Variants in DNAH5 observed in about 807,000 individuals in gnomAD.
DNAH5 encodes the protein dynein axonemal heavy chain 5, also known as axonemal beta dynein heavy chain 5.
DNAH5 carries 372 observed loss-of-function variants against 518.2 expected under a neutral mutation model. That is an observed-to-expected ratio of 0.72 (90% CI 0.66 to 0.78). The LOEUF (loss-of-function observed/expected upper bound fraction) is 0.78, where lower values mean the gene tolerates loss of function less well. DNAH5 is among the 30% of genes least tolerant of loss of function. DNAH5 has a pLI of 0.00. For missense variants in DNAH5, 5,523 were observed against 5,687.0 expected (o/e 0.97, Z 0.93); for synonymous variants, 2,039 against 2,025.9 (o/e 1.01, Z -0.17).
chr5:13,978,121 T>A lies in DNAH5; in HGVS notation c.12+33527A>T, dbSNP rs6868931. On this transcript the variant is annotated intron_variant, in intron 1 of 78. Coordinates refer to the DNAH5 transcript ENST00000681290. Reference sequence around the variant, plus strand: ...GGAGCACTTTCATGCACAGACACACTGTGGCTTCAAGCTTGTAACAGCACC... The same window carrying A: ...GGAGCACTTTCATGCACAGACACACAGTGGCTTCAAGCTTGTAACAGCACC... 1.4e-3 allele frequency among the ~76,000 whole-genome samples: 215 copies of A among 152,278 alleles called. 2 individuals carry two copies. Among genetic ancestry groups the A allele is most frequent in the African/African-American group, 4.2e-3 (173 of 41,554 alleles).
chr5:13,836,154 T>C (rs1442764558), intron 35 of DNAH5, among the ~76,000 whole-genome samples: 1 of 152,108 alleles, frequency 6.6e-6, no homozygotes, highest in African/African-American at 2.4e-5. Flanking sequence ...TCTGATAAAA[T>C]GGAATGGCCA....
intron 12 of DNAH5, among the ~76,000 whole-genome samples, chr5:13,905,308 C>G (rs775974056): frequency 6.6e-6 from 1 of 152,126 alleles, no homozygotes; most frequent in Non-Finnish European, 1.5e-5. Flanking sequence ...CTGCTCCCAT[C>G]GGTGGATTAA....
intron 1 of DNAH5, among the ~76,000 whole-genome samples, chr5:13,959,397 C>T (rs1293176522): frequency 1.3e-5 from 2 of 152,198 alleles, no homozygotes; most frequent in Non-Finnish European, 2.9e-5. Flanking sequence ...TCTCTGTCTT[C>T]GAGAATGCCA....
At chr5:13,890,418 A>T (rs1773049548) in intron 17 of DNAH5, among the ~76,000 whole-genome samples, 1 of 151,298 alleles carries the variant, frequency 6.6e-6, no homozygotes, top group African/African-American at 2.5e-5. Flanking sequence ...AAAAAAAAAA[A>T]AAAGGTTAAA....
intron 12 of DNAH5, among the ~76,000 whole-genome samples, chr5:13,908,800 C>A (rs981741371): frequency 1.3e-5 from 2 of 152,188 alleles, no homozygotes; most frequent in South Asian, 4.1e-4. Context: ...CCTTTGACAC[C>A]ACCCTGATCC....
At position 13,897,942 on chromosome 5, in the gene DNAH5, G is replaced by C. The variant is rs2151957783; in HGVS notation, c.2259+2264C>G. ...TGTGACTTCTTTATTGTTCACTGTA[G>C]CGCTTGTTCTTGAAACCCTGAGCTG... On this transcript the variant is annotated intron_variant, in intron 15 of 78. Transcript: ENST00000265104. The C allele has an allele frequency of 2.0e-5, 3 of 152,314 alleles. No individual in the cohort carries two copies. The Middle Eastern group carries it at 0.01, about 518-fold the overall frequency. The allele number at this position is 152,314 out of a possible 1,614,324, so 9.4% of individuals were successfully genotyped here. A position where few individuals can be genotyped will look rare whatever the true frequency, so the allele number is the denominator to read the frequency against.
intron 1 of DNAH5, among the ~76,000 whole-genome samples, chr5:13,974,571 G>C (rs572413900): frequency 1.3e-5 from 2 of 152,282 alleles, no homozygotes; most frequent in South Asian, 4.1e-4. Flanking sequence ...ATGGTGAAAA[G>C]AGATTTCCTG....
At chr5:13,833,933 G>A (rs929297019) in intron 35 of DNAH5, among the ~76,000 whole-genome samples, 5 of 152,232 alleles carry the variant, frequency 3.3e-5, no homozygotes, top group Non-Finnish European at 7.3e-5. Flanking sequence ...AATCCAGGGA[G>A]CTGCCCCAGC....
intron 76 of DNAH5, 49 bp downstream of exon 76, chr5:13,708,074 C>T: frequency 6.3e-7 from 1 of 1,589,026 alleles, no homozygotes; most frequent in Non-Finnish European, 8.6e-7. Flanking sequence ...AATTACAACT[C>T]TTCACAATCA....
chr5:13,888,159 T>G (rs1281002682), intron 17 of DNAH5, among the ~76,000 whole-genome samples: 1 of 152,190 alleles, frequency 6.6e-6, no homozygotes, highest in Non-Finnish European at 1.5e-5. Context: ...TTTTGGTGAA[T>G]GCAATCATTC....
intron 1 of DNAH5, among the ~76,000 whole-genome samples, chr5:13,937,523 G>C (rs779688399): frequency 2.1e-5 from 3 of 145,652 alleles, no homozygotes; most frequent in Non-Finnish European, 4.5e-5. Flanking sequence ...GTAGTCAGTA[G>C]GTGATGCTCC....
chr5:13,936,701 G>A (rs1024521608), intron 1 of DNAH5, among the ~76,000 whole-genome samples: 5 of 152,136 alleles, frequency 3.3e-5, no homozygotes, highest in African/African-American at 1.2e-4. Context: ...ATTTGATCCT[G>A]GACATCAAAA....
Position 13,707,640 on chromosome 5 carries a change from G to C in DNAH5, c.13338+483C>G, listed in dbSNP as rs1033104047. Among the ~76,000 whole-genome samples the C allele has an allele frequency of 1.4e-4, 21 of 152,134 alleles. No homozygotes were observed. The highest frequency in any genetic ancestry group is 5.1e-4 in the African/African-American group (21 of 41,448). ...ACCCCTGTCACACGCCCTGTGAGGG[G>C]GATAAGGGAACTCCTCCGATTTCGA... On this transcript the variant is annotated intron_variant, in intron 76 of 78. Transcript: ENST00000265104. The surrounding 1 kb of genome is among the most constrained non-coding windows in gnomAD (Gnocchi z 4.0).
Position 13,928,128 on chromosome 5 carries a change from C to G in DNAH5, c.243G>C (p.Met81Ile). ...CTTCCTCCACATCTTGATAGTAAAA[C>G]ATGAGGTGTCGGAGACCTCCAACAG... ...LFAVGGLRHLMFYYQDVEEAE... is the reference protein window; with the variant it reads ...LFAVGGLRHLIFYYQDVEEAE... Residue 81 changes from methionine to isoleucine, a missense_variant, in exon 3 of 79, where the codon ATG (methionine) becomes ATC (isoleucine). This residue lies in a region of DNAH5 where 5,121 missense variants were observed against 5,223.3 expected (regional missense o/e 0.98). Coordinates refer to ENST00000265104, the MANE Select transcript of DNAH5 (RefSeq NM_001369.3). The G allele has an allele frequency of 6.2e-7, 1 of 1,614,008 alleles. No individual in the cohort carries two copies. The highest frequency in any genetic ancestry group is 2.2e-5 in the East Asian group (1 of 44,878).
intron 47 of DNAH5, among the ~76,000 whole-genome samples, chr5:13,798,322 G>C (rs760331198): frequency 4.6e-5 from 7 of 152,292 alleles, no homozygotes; most frequent in African/African-American, 9.6e-5. Flanking sequence ...GTGCAATGTG[G>C]CTTGGGAATC....
At chr5:13,927,325 C>T (rs984940573) in intron 3 of DNAH5, among the ~76,000 whole-genome samples, 3 of 152,050 alleles carry the variant, frequency 2.0e-5, no homozygotes, top group African/African-American at 7.2e-5. Context: ...AACCCCGTCT[C>T]TACTGAAAAT....
At chr5:13,955,109 T>C (rs893661608) in intron 1 of DNAH5, among the ~76,000 whole-genome samples, 2 of 152,118 alleles carry the variant, frequency 1.3e-5, no homozygotes, top group African/African-American at 4.8e-5. Flanking sequence ...GACTGGCTCA[T>C]GGGATAATTT....
chr5:13,798,862 G>A (rs1758273281), intron 47 of DNAH5, among the ~76,000 whole-genome samples: 2 of 151,662 alleles, frequency 1.3e-5, no homozygotes, highest in Admixed American at 6.6e-5. Context: ...TGCCTCCCGG[G>A]TTCAAGCGAT....
chr5:13,951,203 TTTTCG>T (rs1314107431), intron 1 of DNAH5, among the ~76,000 whole-genome samples: 13 of 136,866 alleles, frequency 9.5e-5, no homozygotes, highest in Admixed American at 1.7e-4. Context: ...TTTTTTGTTT[TTTTCG>T]TTTTTTTTTT....
Sources: gnomAD v4.1 joint callset for allele counts (sites outside exome capture counted in the v4.1 genomes callset) on GRCh38, gnomAD v4.1.1 for gene constraint, gnomAD v4.1.1 regional missense constraint, Gnocchi (gnomAD v3.1) non-coding constraint, MANE v1.5 for transcripts, NCBI Gene and HGNC (gene_info 2026-07-23, HGNC 2026-07-21) for gene names.